Variants in NEB observed in about 807,000 individuals in gnomAD.
The protein encoded by NEB is nebulin, also known as nemaline myopathy type 2.
A neutral mutation model predicts 952.2 loss-of-function variants in NEB; 512 were observed. The observed-to-expected ratio is 0.54, with a 90% CI of 0.50 to 0.58. The LOEUF is 0.58. Among genes scored for constraint, NEB ranks in the 20% least tolerant of loss-of-function variants. The pLI is 0.00. For synonymous variants in NEB, 2,900 were observed against 3,149.8 expected (o/e 0.92, Z 2.66); for missense variants, 8,428 against 9,231.1 (o/e 0.91, Z 3.56).
chr2:151,499,962 C>T (rs1215821605), intron 168 of NEB, among the ~76,000 whole-genome samples: 1 of 152,032 alleles, frequency 6.6e-6, no homozygotes, highest in East Asian at 1.9e-4. Flanking sequence ...CAAATGGTTA[C>T]TTTAAAAAAA....
At chr2:151,618,038 C>T (rs990510023) in intron 74 of NEB, among the ~76,000 whole-genome samples, 2 of 151,880 alleles carry the variant, frequency 1.3e-5, no homozygotes, top group East Asian at 1.9e-4. Context: ...CCAGCCTGGG[C>T]GACGAGAACA....
In NEB at chr2:151,610,025, T is replaced by C; in HGVS notation, c.12114A>G (p.Ala4038=). The C allele has an allele frequency of 6.2e-7, 1 of 1,613,928 alleles. No homozygotes were observed. Among genetic ancestry groups the C allele is most frequent in the Non-Finnish European group, 8.5e-7 (1 of 1,179,852 alleles). Residue 4038 remains alanine, a synonymous_variant, in exon 81 of 182, where the codon GCA becomes GCG. Transcript: ENST00000397345. ...ACTCCCTTTCACTTTGAATTTTTCC[T>C]GCATGTATGGCACACATAATCTTGG... ...DDPKIMCAIH[A]GKIQSEREYK...
chr2:151,495,948 C>T (rs78895794), intron 173 of NEB, among the ~76,000 whole-genome samples: 1 of 152,126 alleles, frequency 6.6e-6, no homozygotes, highest in African/African-American at 2.4e-5. Flanking sequence ...TCCACCACCC[C>T]ACACGTACCC....
chr2:151,565,752 A>C lies in NEB; in HGVS notation c.18225T>G (p.His6075Gln). ...TTTCCTGGTTCTTAGTAACCCTTACATGGTCCACAGAATCCAGTGGGATCC... is the reference window on the plus strand; with the variant it reads ...TTTCCTGGTTCTTAGTAACCCTTACCTGGTCCACAGAATCCAGTGGGATCC... ...IGWIPLDSVD[H>Q]VRVTKNQEMM... Residue 6075 changes from histidine to glutamine, a missense_variant, in exon 115 of 182, where the codon CAT (histidine) becomes CAG (glutamine). By Grantham distance (24) the His-to-Gln change is conservative. This residue lies in a region of NEB where 3,374 missense variants were observed against 3,651.5 expected (regional missense o/e 0.92). Transcript: ENST00000397345. 6.2e-7 allele frequency: 1 copy of C among 1,612,720 alleles called. No individual in the cohort carries two copies. The highest frequency in any genetic ancestry group is 8.5e-7 in the Non-Finnish European group (1 of 1,179,352).
At chr2:151,524,451 T>TG in intron 152 of NEB, 36 bp from the exon 153 acceptor site, 1 of 1,608,832 alleles carries the variant, frequency 6.2e-7, no homozygotes, top group Non-Finnish European at 8.5e-7. Flanking sequence ...CAACAGGTGA[T>TG]GGTTGCCTGG....
chr2:151,555,074 AG>A, intron 124 of NEB, 30 bp from the exon 125 acceptor site: 1 of 1,390,736 alleles, frequency 7.2e-7, no homozygotes, highest in Non-Finnish European at 1.0e-6. Flanking sequence ...AGGAAGAAAC[AG>A]TTTTAGAGAG....
At chr2:151,688,148 C>A in intron 25 of NEB, 144 bp downstream of exon 25, 1 of 643,418 alleles carries the variant, frequency 1.6e-6, no homozygotes, top group Non-Finnish European at 2.7e-6. Flanking sequence ...GTCTTAAGAG[C>A]ATTTTGGCCT....
intron 80 of NEB, 119 bp from the exon 81 acceptor site, chr2:151,610,239 A>C: frequency 1.2e-6 from 1 of 842,146 alleles, no homozygotes; most frequent in South Asian, 1.9e-5. Flanking sequence ...GGCATCTCTG[A>C]ACTATTATAT....
intron 23 of NEB, among the ~76,000 whole-genome samples, chr2:151,691,591 C>A (rs2099551275): frequency 6.6e-6 from 1 of 152,164 alleles, no homozygotes. Context: ...ATAATGAACA[C>A]TTATCTTAAA....
At position 151,506,221 on chromosome 2, in the gene NEB, A is replaced by G. The variant is rs2068741180; in HGVS notation, c.23594T>C (p.Ile7865Thr). 10 of 1,613,656 alleles carry G rather than the reference A, an allele frequency of 6.2e-6. No homozygotes were observed. The highest frequency in any genetic ancestry group is 6.8e-6 in the Non-Finnish European group (8 of 1,179,682). Residue 7865 changes from isoleucine (I) to threonine (T), a missense_variant, in exon 164 of 182, where the codon ATC (isoleucine) becomes ACC (threonine). Physicochemically the swap from Ile to Thr is moderately conservative, Grantham distance 89 (BLOSUM62 -1). This residue lies in a region of NEB where 3,374 missense variants were observed against 3,651.5 expected (regional missense o/e 0.92). Transcript: ENST00000397345. ...YKEDVSPGTA[I>T]GKTPEMMRVK... ...TCTCATCATCTCAGGTGTCTTTCCG[A>G]TAGCCGTTCCTGGTGAGACATCCTC...
chr2:151,595,408 C>T (rs577351442), intron 92 of NEB, among the ~76,000 whole-genome samples: 216 of 151,062 alleles, frequency 1.4e-3, no homozygotes, highest in Admixed American at 9.5e-3. Context: ...CCCGCCACCA[C>T]GCCCAGCTAA....
intron 138 of NEB, 75 bp from the exon 139 acceptor site, chr2:151,538,319 C>G (rs1319927575): frequency 1.1e-5 from 12 of 1,057,498 alleles, no homozygotes; most frequent in Non-Finnish European, 1.7e-5. Context: ...AGCATGAACT[C>G]TCTTGTCTTC....
At chr2:151,489,880 A>G (rs1388270854) in intron 181 of NEB, 91 bp downstream of exon 181, 13 of 947,906 alleles carry the variant, frequency 1.4e-5, no homozygotes, top group Non-Finnish European at 1.8e-5. Context: ...AGGTTTGGTT[A>G]AAAAAAACCG....
At chr2:151,636,099 G>A (rs931645992) in intron 64 of NEB, 128 bp downstream of exon 64, 34 of 842,028 alleles carry the variant, frequency 4.0e-5, no homozygotes, top group Non-Finnish European at 5.8e-5. Context: ...CTGAGGTTTT[G>A]AAAAATCCTA....
intron 9 of NEB, among the ~76,000 whole-genome samples, chr2:151,718,140 A>C (rs1272603865): frequency 6.6e-6 from 1 of 152,156 alleles, no homozygotes; most frequent in African/African-American, 2.4e-5. Context: ...GGCGTGAGCC[A>C]CCGCGCCTGG....
At position 151,677,998 on chromosome 2, in the gene NEB, C is replaced by A. The variant is rs752178904; in HGVS notation, c.3445G>T (p.Ala1149Ser). The change falls in exon 33 of 182, where the codon GCT becomes TCT. Residue 1149 changes from alanine to serine, a missense_variant. Physicochemically the swap from Ala to Ser is moderately conservative, Grantham distance 99. Coordinates refer to ENST00000397345, the MANE Select transcript of NEB (RefSeq NM_001164508.2). ...CTGACCACATCCTGGGCTTTCTTAGCCGCCACGACATTGAACATATCATGG... is the reference window on the plus strand; with the variant it reads ...CTGACCACATCCTGGGCTTTCTTAGACGCCACGACATTGAACATATCATGG... ...TPHDMFNVVA[A>S]KKAQDVVSNV... The A allele has an allele frequency of 1.2e-6, 2 of 1,613,964 alleles. No individual in the cohort carries two copies. Among genetic ancestry groups the A allele is most frequent in the Admixed American group, 3.3e-5 (2 of 60,026 alleles).
chr2:151,692,459 C>A, intron 20 of NEB, 97 bp from the exon 21 acceptor site: 2 of 957,108 alleles, frequency 2.1e-6, no homozygotes, highest in South Asian at 1.4e-5. Context: ...ACTGAAGGGG[C>A]AAAATTTATG....
intron 38 of NEB, among the ~76,000 whole-genome samples, chr2:151,669,936 GA>G (rs1215880182): frequency 6.6e-6 from 1 of 152,198 alleles, no homozygotes; most frequent in Non-Finnish European, 1.5e-5. Flanking sequence ...CTGGCTGAGA[GA>G]TATTTAGGAA....
intron 13 of NEB, among the ~76,000 whole-genome samples, chr2:151,698,735 T>C (rs1025715370): frequency 2.0e-5 from 3 of 151,518 alleles, no homozygotes; most frequent in African/African-American, 7.3e-5. Context: ...CCTCCTGGGT[T>C]CATGCCATTC....
Sources: gnomAD v4.1 joint callset for allele counts (sites outside exome capture counted in the v4.1 genomes callset) on GRCh38, gnomAD v4.1.1 for gene constraint, gnomAD v4.1.1 regional missense constraint, MANE v1.5 for transcripts, NCBI Gene and HGNC (gene_info 2026-07-23, HGNC 2026-07-21) for gene names.